ADCY1: variants seen among roughly 807,000 people sequenced by gnomAD.
ADCY1 encodes adenylate cyclase 1.
ADCY1 carries 28 observed loss-of-function variants against 105.4 expected under a neutral mutation model. That is an observed-to-expected ratio of 0.27 (90% confidence interval 0.20 to 0.36). The LOEUF (loss-of-function observed/expected upper bound fraction) is 0.36. ADCY1 is among the 10% of genes least tolerant of loss of function. ADCY1 has a pLI of 1.00. For missense variants in ADCY1, 977 were observed against 1,434.2 expected, an observed-to-expected ratio of 0.68 and a Z score of 5.15; for synonymous variants, 655 against 623.8, an observed-to-expected ratio of 1.05 and a Z score of -0.75.
intron 3 of ADCY1, among the ~76,000 whole-genome samples, chr7:45,610,881 A>AGGTGATGGTGGAAGTGTGG (rs1793552884): frequency 3.7e-4 from 5 of 13,526 alleles, no homozygotes; most frequent in South Asian, 1.9e-3. Flanking sequence ...TGGAGGTGGG[A>AGGTGATGGTGGAAGTGTGG]AGGTGATGGT....
intron 4 of ADCY1, among the ~76,000 whole-genome samples, chr7:45,632,548 T>C (rs1794286705): frequency 8.2e-6 from 1 of 122,526 alleles, no homozygotes; most frequent in African/African-American, 2.9e-5. Context: ...AAATGTATAG[T>C]TTTCAGTGTA....
intron 4 of ADCY1, among the ~76,000 whole-genome samples, chr7:45,628,841 G>A (rs938713010): frequency 2.0e-5 from 3 of 152,102 alleles, no homozygotes; most frequent in Non-Finnish European, 4.4e-5. Context: ...ACACCTCACC[G>A]GGATTTCTGC....
At chr7:45,702,566 G>T (rs180983129) in intron 14 of ADCY1, among the ~76,000 whole-genome samples, 9 of 152,250 alleles carry the variant, frequency 5.9e-5, no homozygotes, top group Non-Finnish European at 8.8e-5. Context: ...TGGGTTCTGT[G>T]TGAGGAAACA....
chr7:45,693,362 G>A, intron 14 of ADCY1, among the ~76,000 whole-genome samples: 1 of 144,442 alleles, frequency 6.9e-6, no homozygotes, highest in Non-Finnish European at 1.5e-5. Context: ...ATGAGTTAGG[G>A]AGGATTCCCT....
rs1785462648 is a variant in ADCY1 at position 45,721,038 on chromosome 7, CTT to C, written c.*7045_*7046del. ...GTGTTTTCCATTATGTTTAGTGCCT[CTT>C]TGCTAACAGCAACATCTGCAAGATT... On this transcript the variant is annotated 3_prime_UTR_variant, in exon 20 of 20. Transcript: ENST00000297323. The C allele has an allele frequency of 6.6e-6, 1 of 152,226 alleles. No homozygotes were observed. The highest frequency in any genetic ancestry group is 2.4e-5 in the African/African-American group (1 of 41,448). The allele number at this position is 152,226 out of a possible 1,614,324, so 9.4% of individuals were successfully genotyped here.
In ADCY1 at chr7:45,657,812, C is replaced by T. The variant is rs536487311; in HGVS notation, c.1234C>T (p.Arg412Cys). 6.8e-6 allele frequency: 11 copies of T among 1,613,484 alleles called. No homozygotes were observed. Among genetic ancestry groups the T allele is most frequent in the South Asian group, 1.1e-5 (1 of 91,000 alleles). The change falls in exon 6 of 20, where the codon CGC becomes TGC. Residue 412 changes from arginine to cysteine, a missense_variant. Arg to Cys is a radical substitution (Grantham distance 180). Transcript: ENST00000297323. ...GRVLCGVLGL[R>C]KWQYDVWSND... ...GGTCCTCTGTGGTGTCCTGGGCTTG[C>T]GCAAGTGGCAGTACGACGTGTGGTC...
chr7:45,626,297 CAGTGTT>C (rs1447787675), intron 4 of ADCY1, among the ~76,000 whole-genome samples: 1 of 152,212 alleles, frequency 6.6e-6, no homozygotes, highest in Non-Finnish European at 1.5e-5. Context: ...GACACCCAAA[CAGTGTT>C]ACGTTTAAAG....
chr7:45,675,468 T>C (rs2471258), intron 8 of ADCY1, among the ~76,000 whole-genome samples: 104,684 of 152,058 alleles, frequency 0.69, 38,149 homozygotes, highest in South Asian at 0.83. Flanking sequence ...TCCTTTCTGT[T>C]ATTTGTCTTT....
chr7:45,689,060 G>A (rs1251202211), intron 14 of ADCY1, among the ~76,000 whole-genome samples: 2 of 150,478 alleles, frequency 1.3e-5, no homozygotes, highest in Non-Finnish European at 2.9e-5. Context: ...TTGTAGGTGG[G>A]GAAGATCCAG....
intron 9 of ADCY1, 50 bp downstream of exon 9, chr7:45,678,113 G>A: frequency 6.2e-7 from 1 of 1,613,618 alleles, no homozygotes; most frequent in African/African-American, 1.3e-5. Flanking sequence ...CGAAGGCGCT[G>A]CCTGGCTGGA....
intron 2 of ADCY1, among the ~76,000 whole-genome samples, chr7:45,596,786 G>A (rs1793086626): frequency 6.6e-6 from 1 of 152,224 alleles, no homozygotes; most frequent in African/African-American, 2.4e-5. Context: ...CCGGTAGAGA[G>A]TGGGGCAGGG....
intron 4 of ADCY1, among the ~76,000 whole-genome samples, chr7:45,640,700 T>C (rs1788293048): frequency 6.6e-6 from 1 of 152,182 alleles, no homozygotes; most frequent in African/African-American, 2.4e-5. Flanking sequence ...AAAAAACAAC[T>C]CAGGGACATA....
At chr7:45,649,465 CA>C (rs1344265269) in intron 5 of ADCY1, among the ~76,000 whole-genome samples, 1 of 152,146 alleles carries the variant, frequency 6.6e-6, no homozygotes, top group East Asian at 1.9e-4. Flanking sequence ...GGGTATGCTC[CA>C]ATGAGATGGG....
intron 8 of ADCY1, among the ~76,000 whole-genome samples, chr7:45,670,820 G>A (rs749518646): frequency 6.6e-6 from 1 of 151,900 alleles, no homozygotes; most frequent in Non-Finnish European, 1.5e-5. Flanking sequence ...ACCCATGTTC[G>A]TCTGCCCCGA....
At chr7:45,661,700 A>T (rs1276068436) in intron 7 of ADCY1, among the ~76,000 whole-genome samples, 1 of 151,994 alleles carries the variant, frequency 6.6e-6, no homozygotes, top group Non-Finnish European at 1.5e-5. Flanking sequence ...GTAGAAGGGG[A>T]CATACTGGAA....
chr7:45,679,626 G>A (rs1002358722), intron 10 of ADCY1, 83 bp from the exon 11 acceptor site: 186 of 1,379,938 alleles, frequency 1.3e-4, no homozygotes, highest in Middle Eastern at 1.8e-4. Flanking sequence ...GATGTGGAGG[G>A]AGGGGCCAAT....
intron 14 of ADCY1, among the ~76,000 whole-genome samples, chr7:45,695,287 C>T (rs1371016037): frequency 6.6e-6 from 1 of 152,172 alleles, no homozygotes; most frequent in East Asian, 1.9e-4. Flanking sequence ...CCATCTTTTC[C>T]AGAAGTGGAA....
intron 2 of ADCY1, 62 bp from the exon 3 acceptor site, chr7:45,610,317 G>A (rs552107181): frequency 6.8e-7 from 1 of 1,463,782 alleles, no homozygotes; most frequent in African/African-American, 1.4e-5. Context: ...GGGAGGGTGA[G>A]GTGAGGAGGA....
intron 4 of ADCY1, among the ~76,000 whole-genome samples, chr7:45,626,804 T>C (rs1794071935): frequency 6.6e-6 from 1 of 152,220 alleles, no homozygotes; most frequent in Non-Finnish European, 1.5e-5. Context: ...ATTAGGGATC[T>C]CACCAGCCAG....
Sources: allele counts gnomAD v4.1 joint callset (sites outside exome capture counted in the v4.1 genomes callset), GRCh38; gene constraint gnomAD v4.1.1; transcripts MANE v1.5; gene names NCBI Gene and HGNC (gene_info 2026-07-23, HGNC 2026-07-21).